PDE4B: variants seen among roughly 807,000 people sequenced by gnomAD.
PDE4B encodes the protein phosphodiesterase 4B, also known as 3',5'-cyclic-AMP phosphodiesterase 4B.
PDE4B carries 20 observed loss-of-function variants against 82.2 expected under a neutral mutation model. The ratio of observed to expected loss-of-function variants is 0.24; its 90% CI spans 0.17 to 0.35. The LOEUF (loss-of-function observed/expected upper bound fraction) is 0.35. Ranked by LOEUF, PDE4B falls within the 10% of genes least tolerant of loss-of-function variation. The pLI, the probability that PDE4B is intolerant of heterozygous loss-of-function variation, is 1.00. For synonymous variants in PDE4B, 320 were observed against 318.9 expected (o/e 1.00, Z -0.04); for missense variants, 655 against 907.2 (o/e 0.72, Z 3.57).
chr1:65,992,896 C>G (rs1307445746), intron 3 of PDE4B: 4 of 1,612,514 alleles, frequency 2.5e-6, no homozygotes, highest in Non-Finnish European at 3.4e-6. Context: ...AGCTAGCACT[C>G]CTTACAAGAC....
At chr1:66,288,843 A>G (rs1333584287) in intron 7 of PDE4B, among the ~76,000 whole-genome samples, 1 of 152,146 alleles carries the variant, frequency 6.6e-6, no homozygotes, top group African/African-American at 2.4e-5. Flanking sequence ...AAGATGCTCC[A>G]CCATCAGCAG....
chr1:66,203,213 A>T (rs1649179614), intron 3 of PDE4B, among the ~76,000 whole-genome samples: 1 of 152,032 alleles, frequency 6.6e-6, no homozygotes, highest in Non-Finnish European at 1.5e-5. Context: ...CTGCCGAGAG[A>T]TCTGCTGTTA....
In PDE4B at chr1:66,239,338, C is replaced by T. The variant is rs894492589; in HGVS notation, c.282-8122C>T. 2.0e-5 allele frequency among the ~76,000 whole-genome samples: 3 copies of T among 152,096 alleles called. No homozygotes were observed. In the East Asian group the frequency reaches 5.8e-4, roughly 29 times the overall value. ...CCTCCCTGGCCCTTTATAATGTCTACATACAGAAAACATTCCCACACAAAA... is the reference window on the plus strand; with the variant it reads ...CCTCCCTGGCCCTTTATAATGTCTATATACAGAAAACATTCCCACACAAAA... On this transcript the variant is annotated intron_variant, in intron 3 of 16. Transcript: ENST00000341517.
intron 4 of PDE4B, among the ~76,000 whole-genome samples, chr1:66,249,717 T>A (rs1653609261): frequency 7.6e-6 from 1 of 132,058 alleles, no homozygotes; most frequent in Non-Finnish European, 1.6e-5. Context: ...ATTTTCCAAC[T>A]TTAAATTTAG....
At chr1:66,042,324 T>G (rs188869088) in intron 3 of PDE4B, among the ~76,000 whole-genome samples, 115 of 151,958 alleles carry the variant, frequency 7.6e-4, no homozygotes, top group African/African-American at 2.5e-3. Flanking sequence ...TATAATATAT[T>G]TCAACATTGA....
intron 1 of PDE4B, among the ~76,000 whole-genome samples, chr1:65,874,017 A>G (rs932226510): frequency 7.9e-5 from 12 of 151,266 alleles, no homozygotes; most frequent in African/African-American, 2.7e-4. Flanking sequence ...CAGTATGGCC[A>G]TTTTCACGAT....
At position 66,041,985 on chromosome 1, in the gene PDE4B, A is replaced by G. The variant is rs72918244; in HGVS notation, c.281+123150A>G. ...AGTAACTGTTAAATAAATGTTTTCA[A>G]AGGAGTTACTCTTCTTGAAGAAAGC... is the stretch of plus-strand genomic sequence containing the variant. On this transcript the variant is annotated intron_variant, in intron 3 of 16. Transcript: ENST00000341517. Among the ~76,000 whole-genome samples the G allele has an allele frequency of 8.4e-3, 1,273 of 151,968 alleles. 16 individuals carry two copies. Among genetic ancestry groups the G allele is most frequent in the African/African-American group, 0.029 (1,192 of 41,526 alleles).
At chr1:66,012,361 C>T (rs970053805) in intron 3 of PDE4B, among the ~76,000 whole-genome samples, 3 of 152,136 alleles carry the variant, frequency 2.0e-5, no homozygotes, top group Non-Finnish European at 2.9e-5. Flanking sequence ...CAGGCTCCTA[C>T]TCAGAGAGCA....
At chr1:66,056,532 C>CATCT (rs5774791) in intron 3 of PDE4B, among the ~76,000 whole-genome samples, 23 of 130,806 alleles carry the variant, frequency 1.8e-4, no homozygotes, top group South Asian at 1.1e-3. Flanking sequence ...ATCTATCTAT[C>CATCT]ATCTATCTAT....
chr1:66,180,230 A>G (rs530594649), intron 3 of PDE4B, among the ~76,000 whole-genome samples: 2 of 152,334 alleles, frequency 1.3e-5, no homozygotes, highest in African/African-American at 2.4e-5. Context: ...GGAGATACGT[A>G]TGGAGGAAAG....
At chr1:65,857,208 T>A (rs1358237168) in intron 1 of PDE4B, among the ~76,000 whole-genome samples, 1 of 152,194 alleles carries the variant, frequency 6.6e-6, no homozygotes, top group African/African-American at 2.4e-5. Context: ...TGTTCTAAAC[T>A]TTAATAATTT....
At chr1:66,082,240 C>T (rs1001255002) in intron 3 of PDE4B, among the ~76,000 whole-genome samples, 3 of 152,052 alleles carry the variant, frequency 2.0e-5, no homozygotes, top group African/African-American at 7.2e-5. Flanking sequence ...TTCACATCTA[C>T]TGTCCTCTAC....
chr1:65,851,339 A>G (rs1269205739), intron 1 of PDE4B, among the ~76,000 whole-genome samples: 1 of 151,954 alleles, frequency 6.6e-6, no homozygotes, highest in Non-Finnish European at 1.5e-5. Context: ...TTTTTTCTAT[A>G]TATATGTTAG....
chr1:66,297,453 G>T (rs547010397), intron 7 of PDE4B, among the ~76,000 whole-genome samples: 6 of 152,040 alleles, frequency 3.9e-5, no homozygotes, highest in African/African-American at 1.2e-4. Context: ...ACTTTAAAAA[G>T]TAATTCCCAA....
intron 3 of PDE4B, among the ~76,000 whole-genome samples, chr1:65,970,842 T>C (rs1202491225): frequency 1.3e-5 from 2 of 151,600 alleles, no homozygotes; most frequent in African/African-American, 4.9e-5. Flanking sequence ...TGTGAAAAAA[T>C]GTGCACCTGG....
At chr1:66,207,079 A>T (rs1430976381) in intron 3 of PDE4B, among the ~76,000 whole-genome samples, 1 of 152,220 alleles carries the variant, frequency 6.6e-6, no homozygotes, top group Non-Finnish European at 1.5e-5. Flanking sequence ...AATGGAACTG[A>T]CTAAATAAGC....
intron 3 of PDE4B, among the ~76,000 whole-genome samples, chr1:65,955,180 C>A (rs920542462): frequency 1.3e-5 from 2 of 152,040 alleles, no homozygotes; most frequent in Non-Finnish European, 2.9e-5. Context: ...TACCAAAATC[C>A]TTCCCTGTAC....
Position 66,368,983 on chromosome 1 carries a change from G to T in PDE4B, c.1845+14G>T, listed in dbSNP as rs530793111. 1.9e-6 allele frequency: 3 copies of T among 1,587,436 alleles called. No individual in the cohort carries two copies. Among genetic ancestry groups the T allele is most frequent in the African/African-American group, 1.3e-5 (1 of 74,138 alleles). Reference sequence around the variant, plus strand: ...GAAAAATCCCAGGTATCTAATATGAGATTTTCAAAGTTTTTGTGAGCTCTG... The same window carrying T: ...GAAAAATCCCAGGTATCTAATATGATATTTTCAAAGTTTTTGTGAGCTCTG... On this transcript the variant is annotated intron_variant, in intron 16 of 16. Coordinates refer to ENST00000341517, the MANE Select transcript of PDE4B (RefSeq NM_002600.4).
In PDE4B at chr1:66,303,921, A is replaced by T. The variant is rs1236460680; in HGVS notation, c.635-28587A>T. ...CTTGAACTTGCTTATGTGGTTATTTATAACAGTAGTTTTCTATTTTGTGTC... is the reference window on the plus strand; with the variant it reads ...CTTGAACTTGCTTATGTGGTTATTTTTAACAGTAGTTTTCTATTTTGTGTC... On this transcript the variant is annotated intron_variant, in intron 7 of 16. Coordinates refer to ENST00000341517, the MANE Select transcript of PDE4B (RefSeq NM_002600.4). Among the ~76,000 whole-genome samples, 4 of 152,134 alleles carry T rather than the reference A, an allele frequency of 2.6e-5. No individual in the cohort carries two copies. The South Asian group carries it at 8.3e-4, about 31-fold the overall frequency.
Sources: allele counts gnomAD v4.1 joint callset (sites outside exome capture counted in the v4.1 genomes callset), GRCh38; gene constraint gnomAD v4.1.1; transcripts MANE v1.5; gene names NCBI Gene and HGNC (gene_info 2026-07-23, HGNC 2026-07-21).